The following DISP1 variants were observed in gnomAD, a reference collection of about 807,000 sequenced individuals.
DISP1 encodes protein dispatched homolog 1.
A neutral mutation model predicts 37.3 loss-of-function variants in DISP1; 30 were observed. That is an observed-to-expected ratio of 0.80 (90% CI 0.60 to 1.09). The LOEUF is 1.09. DISP1 is among the 50% of genes least tolerant of loss of function. The pLI is 0.00. For synonymous variants in DISP1, 634 were observed against 690.2 expected, an observed-to-expected ratio of 0.92 and a Z score of 1.28; for missense variants, 1,598 against 1,879.5, an observed-to-expected ratio of 0.85 and a Z score of 2.77.
At chr1:222,874,270 G>A (rs1270979273) in intron 1 of DISP1, among the ~76,000 whole-genome samples, 6 of 152,076 alleles carry the variant, frequency 3.9e-5, no homozygotes, top group African/African-American at 9.6e-5. Flanking sequence ...TGCTCTTCTC[G>A]AGGAGTATCT....
At chr1:222,838,470 T>C (rs1667385524) in intron 1 of DISP1, among the ~76,000 whole-genome samples, 1 of 152,198 alleles carries the variant, frequency 6.6e-6, no homozygotes, top group South Asian at 2.1e-4. Context: ...AATTTACTGC[T>C]CTCATTTAAA....
intron 3 of DISP1, among the ~76,000 whole-genome samples, chr1:222,979,375 C>T (rs1677659488): frequency 6.6e-6 from 1 of 151,946 alleles, no homozygotes; most frequent in South Asian, 2.1e-4. Flanking sequence ...CCACTGCACT[C>T]CAGCCTGGGT....
At chr1:222,970,138 G>A (rs1017939254) in intron 3 of DISP1, among the ~76,000 whole-genome samples, 6 of 152,052 alleles carry the variant, frequency 3.9e-5, no homozygotes, top group Non-Finnish European at 7.4e-5. Flanking sequence ...AAACTCACTC[G>A]GTTGGTAAAC....
intron 3 of DISP1, among the ~76,000 whole-genome samples, chr1:222,982,311 C>G (rs912525471): frequency 3.3e-5 from 5 of 152,356 alleles, no homozygotes; most frequent in Middle Eastern, 3.4e-3. Flanking sequence ...ATGAAAGGGT[C>G]TCAGGAACTC....
intron 1 of DISP1, chr1:222,823,817 T>A (rs1663579005): frequency 1.3e-5 from 2 of 149,988 alleles, no homozygotes; most frequent in South Asian, 4.3e-4. Flanking sequence ...TGCTTCAGAT[T>A]TCTTTCTTTC....
rs148716039 is a variant in DISP1 at position 222,841,126 on chromosome 1, T to G, written c.-159+26048T>G. ...GAATGAATTAATGACTAAATCAGTG[T>G]GTATATGCTAATTAGTGTAGTACAT... On this transcript the variant is annotated intron_variant, in intron 1 of 8. Coordinates refer to ENST00000675850, the MANE Select transcript of DISP1 (RefSeq NM_001377229.1). 4.4e-3 allele frequency among the ~76,000 whole-genome samples: 670 copies of G among 152,342 alleles called. 4 individuals are homozygous for G. The highest frequency in any genetic ancestry group is 0.015 in the African/African-American group (630 of 41,576).
chr1:222,829,059 T>C (rs1292154459), intron 1 of DISP1, among the ~76,000 whole-genome samples: 2 of 152,060 alleles, frequency 1.3e-5, no homozygotes, highest in Admixed American at 6.6e-5. Flanking sequence ...AAATAAACTA[T>C]TTGTTTGATG....
chr1:222,826,716 G>A (rs898429933), intron 1 of DISP1, among the ~76,000 whole-genome samples: 8 of 152,048 alleles, frequency 5.3e-5, no homozygotes, highest in African/African-American at 1.9e-4. Flanking sequence ...TTAATGATTT[G>A]TGGTTGTTTG....
At chr1:222,920,100 C>A (rs1240549653) in intron 1 of DISP1, among the ~76,000 whole-genome samples, 2 of 152,070 alleles carry the variant, frequency 1.3e-5, no homozygotes. Context: ...AGGTAACCTT[C>A]TCTATAAATG....
chr1:222,859,863 G>A (rs1440136663), intron 1 of DISP1, among the ~76,000 whole-genome samples: 3 of 152,104 alleles, frequency 2.0e-5, no homozygotes, highest in Non-Finnish European at 4.4e-5. Flanking sequence ...ATATGTTGTT[G>A]GTCTTGTTCA....
chr1:222,850,336 TTC>T (rs376154852), intron 1 of DISP1, among the ~76,000 whole-genome samples: 13 of 152,212 alleles, frequency 8.5e-5, no homozygotes, highest in African/African-American at 2.2e-4. Flanking sequence ...AGCTCCCTTG[TTC>T]TCTCTTTTTA....
intron 1 of DISP1, among the ~76,000 whole-genome samples, chr1:222,856,813 C>A (rs1393512142): frequency 6.6e-6 from 1 of 150,434 alleles, no homozygotes; most frequent in East Asian, 2.0e-4. Context: ...AAGCAGTCCT[C>A]CTGCCTCAGC....
intron 1 of DISP1, among the ~76,000 whole-genome samples, chr1:222,843,794 C>T (rs1667741793): frequency 6.6e-6 from 1 of 152,030 alleles, no homozygotes; most frequent in Admixed American, 6.5e-5. Context: ...ATTGTAGCAA[C>T]CAGGATGGTT....
At chr1:222,878,673 G>A (rs1670105239) in intron 1 of DISP1, among the ~76,000 whole-genome samples, 4 of 152,134 alleles carry the variant, frequency 2.6e-5, no homozygotes, top group Admixed American at 1.3e-4. Flanking sequence ...CAATATAGGT[G>A]CCTGTGTGAA....
intron 1 of DISP1, among the ~76,000 whole-genome samples, chr1:222,925,369 T>C (rs1435193187): frequency 1.3e-5 from 2 of 152,288 alleles, no homozygotes; most frequent in South Asian, 2.1e-4. Context: ...CACAGTGAAA[T>C]AGGATTAGCT....
chr1:222,829,283 A>G (rs944462354), intron 1 of DISP1, among the ~76,000 whole-genome samples: 1 of 152,204 alleles, frequency 6.6e-6, no homozygotes, highest in Non-Finnish European at 1.5e-5. Flanking sequence ...TTTAGGTAGC[A>G]GATGCTCTAA....
At chr1:222,955,774 T>A (rs779396359) in intron 3 of DISP1, among the ~76,000 whole-genome samples, 1 of 152,216 alleles carries the variant, frequency 6.6e-6, no homozygotes, top group Non-Finnish European at 1.5e-5. Flanking sequence ...CAGTAGCTTA[T>A]AAAACTGGTG....
At position 222,943,370 on chromosome 1, in the gene DISP1, A is replaced by C. The variant is rs200875471; in HGVS notation, c.509+38A>C. The C allele has an allele frequency of 1.4e-4, 221 of 1,613,602 alleles. 3 individuals carry two copies. The East Asian group carries it at 4.8e-3, about 35-fold the overall frequency. Reference sequence around the variant, plus strand: ...AAAGTTTTGCTTTTAGCATTCAACTAATGCCACGTGAACATGACAGCTTGT... The same window carrying C: ...AAAGTTTTGCTTTTAGCATTCAACTCATGCCACGTGAACATGACAGCTTGT... On this transcript the variant is annotated intron_variant, in intron 3 of 8. Coordinates refer to ENST00000675850, the MANE Select transcript of DISP1 (RefSeq NM_001377229.1).
At chr1:222,986,347 G>C (rs1678275069) in intron 4 of DISP1, among the ~76,000 whole-genome samples, 2 of 152,256 alleles carry the variant, frequency 1.3e-5, no homozygotes, top group Non-Finnish European at 2.9e-5. Context: ...TTTATTATGG[G>C]GGAATGTTAT....
Sources: allele counts gnomAD v4.1 joint callset (sites outside exome capture counted in the v4.1 genomes callset), GRCh38; gene constraint gnomAD v4.1.1; transcripts MANE v1.5; gene names NCBI Gene and HGNC (gene_info 2026-07-23, HGNC 2026-07-21).